RNF10: variants seen among roughly 807,000 people sequenced by gnomAD.
RNF10 encodes E3 ubiquitin-protein ligase RNF10.
RNF10 carries 38 observed loss-of-function variants against 91.4 expected under a neutral mutation model. The ratio of observed to expected loss-of-function variants is 0.42; its 90% CI spans 0.32 to 0.54. The LOEUF (loss-of-function observed/expected upper bound fraction) is 0.54. RNF10 is among the 20% of genes least tolerant of loss of function. RNF10 has a pLI of 0.16. For missense variants in RNF10, 945 were observed against 1,012.0 expected, an observed-to-expected ratio of 0.93 and a Z score of 0.90; for synonymous variants, 364 against 366.3, an observed-to-expected ratio of 0.99 and a Z score of 0.07.
intron 2 of RNF10, among the ~76,000 whole-genome samples, chr12:120,551,417 C>T (rs1873071624): frequency 2.0e-5 from 3 of 149,890 alleles, no homozygotes; most frequent in South Asian, 2.1e-4. Context: ...GCCTCAGCCT[C>T]CCGAGTAGCT....
rs771867119 is a variant in RNF10 at position 120,552,536 on chromosome 12, A to C, written c.392A>C (p.Gln131Pro). ...CAACGGGCAGAGTTTAGCCCTGCCC[A>C]GTTCTCTGGTCCTAAGAAGATCAAC... is the stretch of plus-strand genomic sequence containing the variant. ...EAQRAEFSPA[Q>P]FSGPKKINLN... is the part of the protein sequence containing the mutation. The change falls in exon 3 of 17, where the codon CAG becomes CCG. Residue 131 changes from glutamine (Q) to proline (P), a missense_variant. Physicochemically the swap from Gln to Pro is moderately conservative, Grantham distance 76 (BLOSUM62 -1). Coordinates refer to ENST00000325954, the MANE Select transcript of RNF10 (RefSeq NM_014868.5). 7.4e-6 allele frequency: 12 copies of C among 1,614,094 alleles called. No individual in the cohort carries two copies. The highest frequency in any genetic ancestry group is 1.0e-5 in the Non-Finnish European group (12 of 1,180,036).
intron 2 of RNF10, among the ~76,000 whole-genome samples, chr12:120,550,131 A>G (rs1336866529): frequency 5.3e-5 from 8 of 152,186 alleles, no homozygotes. Context: ...ATTAAATTCA[A>G]TATATCTAAA....
chr12:120,565,556 C>T (rs540329411), intron 12 of RNF10, 27 bp downstream of exon 12: 1 of 1,579,020 alleles, frequency 6.3e-7, no homozygotes, highest in South Asian at 1.1e-5. Flanking sequence ...TCATCTTTGA[C>T]TAGCACTGCT....
rs548664180 is a variant in RNF10, at chr12:120,544,552, G to A, written c.158-1853G>A. On this transcript the variant is annotated intron_variant, in intron 1 of 16. Transcript: ENST00000325954. ...AGTGCCTGTAGTCTCAGCTGCTCAG[G>A]AGGCTGAAGTGGGAGGGTGGCTTGA... is the stretch of plus-strand genomic sequence containing the variant. Among the ~76,000 whole-genome samples, 9 of 152,184 alleles carry A rather than the reference G, an allele frequency of 5.9e-5. No individual in the cohort carries two copies. The South Asian group carries it at 1.5e-3, about 25-fold the overall frequency.
chr12:120,572,242 A>AT (rs1486709093), intron 14 of RNF10, among the ~76,000 whole-genome samples: 1 of 150,336 alleles, frequency 6.7e-6, no homozygotes, highest in Admixed American at 6.6e-5. Flanking sequence ...AATTTTTTGT[A>AT]TTTTTAGTAG....
In RNF10 at chr12:120,534,607, G is replaced by A; in HGVS notation, c.-205G>A. The A allele has an allele frequency of 1.6e-6, 2 of 1,251,320 alleles. No homozygotes were observed. The highest frequency in any genetic ancestry group is 2.0e-6 in the Non-Finnish European group (2 of 983,868). The allele number at this position is 1,251,320 out of a possible 1,614,324, so 77.5% of individuals were successfully genotyped here. Reference sequence around the variant, plus strand: ...CCGAGCCCCGGCCTCCTCGTCCTCGGTCGCCGCTGCCGCCGGGCTTAACAG... The same window carrying A: ...CCGAGCCCCGGCCTCCTCGTCCTCGATCGCCGCTGCCGCCGGGCTTAACAG... On this transcript the variant is annotated 5_prime_UTR_variant, in exon 1 of 17. Transcript: ENST00000325954.
chr12:120,561,477 T>A (rs1874834172), intron 7 of RNF10, among the ~76,000 whole-genome samples: 1 of 152,156 alleles, frequency 6.6e-6, no homozygotes, highest in African/African-American at 2.4e-5. Context: ...ATATAACAAG[T>A]TCTAGGGTGA....
Position 120,557,586 on chromosome 12 carries a change from A to G in RNF10, c.871A>G (p.Thr291Ala). The change falls in exon 6 of 17, where the codon ACC becomes GCC. Residue 291 changes from threonine to alanine, a missense_variant. Physicochemically the swap from Thr to Ala is moderately conservative, Grantham distance 58. Transcript: ENST00000325954. Reference sequence around the variant, plus strand: ...GTCACATCAGTATGTTGTTGGTGATACCATTACGATGCAGCTGATGAAGAG... The same window carrying G: ...GTCACATCAGTATGTTGTTGGTGATGCCATTACGATGCAGCTGATGAAGAG... ...TESHQYVVGD[T>A]ITMQLMKREK... is the part of the protein sequence containing the mutation. 1.9e-6 allele frequency: 3 copies of G among 1,614,204 alleles called. No individual in the cohort carries two copies. The highest frequency in any genetic ancestry group is 2.5e-6 in the Non-Finnish European group (3 of 1,180,020).
chr12:120,545,261 A>G (rs965494875), intron 1 of RNF10, among the ~76,000 whole-genome samples: 2 of 152,072 alleles, frequency 1.3e-5, no homozygotes, highest in Non-Finnish European at 2.9e-5. Context: ...GCTCACTGCA[A>G]GCTCTGCCTC....
chr12:120,567,657 C>T (rs957396061), intron 13 of RNF10, among the ~76,000 whole-genome samples: 4 of 148,390 alleles, frequency 2.7e-5, no homozygotes, highest in Non-Finnish European at 4.4e-5. Context: ...GACAAGGTTG[C>T]GTCACTGCAT....
intron 2 of RNF10, among the ~76,000 whole-genome samples, chr12:120,551,135 A>G (rs1872986006): frequency 6.6e-6 from 1 of 151,524 alleles, no homozygotes; most frequent in African/African-American, 2.4e-5. Context: ...ACAGGCATGC[A>G]TCACTAAGCC....
intron 2 of RNF10, 72 bp from the exon 3 acceptor site, chr12:120,552,427 T>G (rs1226765749): frequency 4.2e-5 from 53 of 1,266,172 alleles, no homozygotes; most frequent in Middle Eastern, 2.1e-4. Context: ...AAAAGGAGGG[T>G]TTTTTTTGGG....
At position 120,534,865 on chromosome 12, in the gene RNF10, C is replaced by T. The variant is rs773330892; in HGVS notation, c.54C>T (p.Asn18=). 1.2e-6 allele frequency: 2 copies of T among 1,608,482 alleles called. No individual in the cohort carries two copies. Among genetic ancestry groups the T allele is most frequent in the South Asian group, 1.1e-5 (1 of 91,004 alleles). ...CCACCGCCTCCGACATGGACAAGAA[C>T]AGCGGCTCCAACAGCTCCTCCGCCT... ...AAATASDMDK[N]SGSNSSSASS... Residue 18 remains asparagine (N), a synonymous_variant, in exon 1 of 17, where the codon AAC becomes AAT. Transcript: ENST00000325954.
chr12:120,564,449 C>T (rs1216052659), intron 10 of RNF10, among the ~76,000 whole-genome samples: 1 of 152,032 alleles, frequency 6.6e-6, no homozygotes, highest in African/African-American at 2.4e-5. Context: ...CCAGCCAGGG[C>T]ATTTCTACAA....
At position 120,556,530 on chromosome 12, in the gene RNF10, CAAAAAAA is replaced by C. The variant is rs34889649; in HGVS notation, c.646-731_646-725del. 2.1e-4 allele frequency among the ~76,000 whole-genome samples: 4 copies of C among 19,216 alleles called. No individual in the cohort carries two copies. In the East Asian group the frequency reaches 5.6e-3, roughly 27 times the overall value. The allele number at this position is 19,216 out of a possible 152,430, so 12.6% of individuals were successfully genotyped here. A position where few individuals can be genotyped will look rare whatever the true frequency, so the allele number is the denominator to read the frequency against. On this transcript the variant is annotated intron_variant, in intron 4 of 16. Coordinates refer to ENST00000325954, the MANE Select transcript of RNF10 (RefSeq NM_014868.5). ...TGGGTGACAGAGTGAGACTCCGTCTCAAAAAAAAAAAAAAAAAAAAAAAAAAAGCTTG... is the reference window on the plus strand; with the variant it reads ...TGGGTGACAGAGTGAGACTCCGTCTCAAAAAAAAAAAAAAAAAAAAGCTTG...
At chr12:120,553,201 A>G (rs916843343) in intron 3 of RNF10, among the ~76,000 whole-genome samples, 3 of 149,090 alleles carry the variant, frequency 2.0e-5, no homozygotes, top group African/African-American at 7.4e-5. Context: ...TTTTTGCCTC[A>G]GCCTCCCGAA....
chr12:120,567,582 TC>T (rs1240298419), intron 13 of RNF10, among the ~76,000 whole-genome samples: 2 of 151,856 alleles, frequency 1.3e-5, no homozygotes, highest in Admixed American at 6.6e-5. Flanking sequence ...GCGCCTGTAG[TC>T]CCAGCTACTT....
chr12:120,539,522 T>G (rs761350208), intron 1 of RNF10: 4 of 874,706 alleles, frequency 4.6e-6, no homozygotes, highest in Non-Finnish European at 6.6e-6. Flanking sequence ...ACTTGCTGAC[T>G]GGTATTCTGA....
At chr12:120,546,724 G>T (rs1872403208) in intron 2 of RNF10, 123 bp downstream of exon 2, 2 of 801,610 alleles carry the variant, frequency 2.5e-6, no homozygotes, top group African/African-American at 1.7e-5. Flanking sequence ...AATCAAAGCA[G>T]TCTTGAGTAG....
Sources: gnomAD v4.1 joint callset for allele counts (sites outside exome capture counted in the v4.1 genomes callset) on GRCh38, gnomAD v4.1.1 for gene constraint, MANE v1.5 for transcripts, NCBI Gene and HGNC (gene_info 2026-07-23, HGNC 2026-07-21) for gene names.